The following NRROS variants were observed in gnomAD, a reference collection of about 807,000 sequenced individuals.
NRROS encodes negative regulator of reactive oxygen species, also known as transforming growth factor beta activator LRRC33.
NRROS carries 6 observed loss-of-function variants against 12.0 expected under a neutral mutation model. The ratio of observed to expected loss-of-function variants is 0.50; its 90% CI spans 0.27 to 0.98. The LOEUF (loss-of-function observed/expected upper bound fraction) is 0.98. Among genes scored for constraint, NRROS ranks in the 50% least tolerant of loss-of-function variants. The pLI is 0.11. For synonymous variants in NRROS, 462 were observed against 410.2 expected (o/e 1.13, Z -1.53); for missense variants, 857 against 888.2 (o/e 0.96, Z 0.45).
chr3:196,649,089 T>G (rs1577630476), intron 1 of NRROS, among the ~76,000 whole-genome samples: 1 of 151,552 alleles, frequency 6.6e-6, no homozygotes, highest in South Asian at 2.1e-4. Context: ...ACCACGGGGG[T>G]GTTGAGTTTG....
At chr3:196,655,651 G>A (rs1228227725) in intron 2 of NRROS, among the ~76,000 whole-genome samples, 3 of 152,180 alleles carry the variant, frequency 2.0e-5, no homozygotes, top group South Asian at 2.1e-4. Context: ...GTTTGTGGAC[G>A]AGTTGACCGC....
chr3:196,658,842 T>TAC (rs1737594611), intron 2 of NRROS, among the ~76,000 whole-genome samples: 1 of 152,022 alleles, frequency 6.6e-6, no homozygotes, highest in African/African-American at 2.4e-5. Context: ...TGGTGGCATG[T>TAC]GCCTGTAATC....
intron 1 of NRROS, among the ~76,000 whole-genome samples, chr3:196,653,766 A>T (rs113338655): frequency 6.6e-6 from 1 of 152,192 alleles, no homozygotes; most frequent in African/African-American, 2.4e-5. Context: ...AGTATATTGC[A>T]TTTCCCTTAT....
At chr3:196,649,625 C>A (rs1353878013) in intron 1 of NRROS, among the ~76,000 whole-genome samples, 2 of 152,186 alleles carry the variant, frequency 1.3e-5, no homozygotes, top group Non-Finnish European at 2.9e-5. Context: ...GCGCCCGCCA[C>A]CGCGCCCGGC....
chr3:196,661,951 T>C lies in NRROS; in HGVS notation c.*229T>C, dbSNP rs149399559. Reference sequence around the variant, plus strand: ...TTATCTTGGTAAAATATTTATTAAGTGACTTTTTCAGAAATAAAAGGCAAC... The same window carrying C: ...TTATCTTGGTAAAATATTTATTAAGCGACTTTTTCAGAAATAAAAGGCAAC... On this transcript the variant is annotated 3_prime_UTR_variant, in exon 3 of 3. Transcript: ENST00000328557. 7.6e-6 allele frequency: 3 copies of C among 395,608 alleles called. No homozygotes were observed. The East Asian group carries it at 1.1e-4, about 14-fold the overall frequency. 24.5% of individuals were successfully genotyped at this position (395,608 alleles called of 1,614,324 possible).
chr3:196,640,659 C>CTT (rs1336339257), intron 1 of NRROS, among the ~76,000 whole-genome samples: 1 of 152,228 alleles, frequency 6.6e-6, no homozygotes, highest in Non-Finnish European at 1.5e-5. Context: ...GGTCAGCGTA[C>CTT]TTCCCCACGT....
intron 1 of NRROS, among the ~76,000 whole-genome samples, chr3:196,646,878 G>C (rs546793123): frequency 1.3e-5 from 2 of 152,184 alleles, no homozygotes; most frequent in Non-Finnish European, 2.9e-5. Context: ...TCGCCGAGCC[G>C]CCGCGTGCCT....
At position 196,660,127 on chromosome 3, in the gene NRROS, G is replaced by A; in HGVS notation, c.484G>A (p.Val162Met). 2.5e-6 allele frequency: 4 copies of A among 1,613,032 alleles called. No homozygotes were observed. The highest frequency in any genetic ancestry group is 3.4e-6 in the Non-Finnish European group (4 of 1,179,892). Reference sequence around the variant, plus strand: ...CCAGAACCTCTCCTCGCTGCGGTCCGTGTCCCTGGCGGGGAACACCATCAT... The same window carrying A: ...CCAGAACCTCTCCTCGCTGCGGTCCATGTCCCTGGCGGGGAACACCATCAT... Reference protein sequence around the residue: ...MLQNLSSLRSVSLAGNTIMRL... With the variant: ...MLQNLSSLRSMSLAGNTIMRL... Residue 162 changes from valine to methionine, a missense_variant, in exon 3 of 3, where the codon GTG (valine) becomes ATG (methionine). Transcript: ENST00000328557. The surrounding 1 kb of genome is among the most constrained non-coding windows in gnomAD (Gnocchi z 7.7).
In NRROS at chr3:196,660,187, C is replaced by A. The variant is rs140233771; in HGVS notation, c.544C>A (p.Arg182Ser). The change falls in exon 3 of 3, where the codon CGT (arginine) becomes AGT (serine). Residue 182 changes from arginine to serine, a missense_variant. Coordinates refer to ENST00000328557, the MANE Select transcript of NRROS (RefSeq NM_198565.3). The surrounding 1 kb of genome is among the most constrained non-coding windows in gnomAD (Gnocchi z 7.7). ...LDDSVFEGLE[R>S]LRELDLQRNY... Reference sequence around the variant, plus strand: ...CGACTCCGTCTTCGAGGGCCTGGAGCGTCTCCGGGAGCTGGATCTGCAGAG... The same window carrying A: ...CGACTCCGTCTTCGAGGGCCTGGAGAGTCTCCGGGAGCTGGATCTGCAGAG... 3,466 of 1,613,064 alleles carry A rather than the reference C, an allele frequency of 2.1e-3. 14 individuals carry two copies. Among genetic ancestry groups the A allele is most frequent in the Admixed American group, 2.0e-3 (118 of 60,022 alleles).
chr3:196,657,427 A>G (rs1737557947), intron 2 of NRROS, among the ~76,000 whole-genome samples: 1 of 150,746 alleles, frequency 6.6e-6, no homozygotes, highest in Non-Finnish European at 1.5e-5. Flanking sequence ...CACTCACATA[A>G]AGACACACAC....
In NRROS at chr3:196,661,693, A is replaced by G. The variant is rs201045143; in HGVS notation, c.2050A>G (p.Ser684Gly). 5.7e-5 allele frequency: 91 copies of G among 1,595,448 alleles called. No individual in the cohort carries two copies. The highest frequency in any genetic ancestry group is 8.5e-6 in the Non-Finnish European group (10 of 1,175,578). ...GAAGCCTCTGCTTCAGGTCATCAAGAGCCGCTGCCACTGGTCCTCCGTTTA... is the reference window on the plus strand; with the variant it reads ...GAAGCCTCTGCTTCAGGTCATCAAGGGCCGCTGCCACTGGTCCTCCGTTTA... ...FKKPLLQVIKSRCHWSSVY is the reference protein window; with the variant it reads ...FKKPLLQVIKGRCHWSSVY Residue 684 changes from serine (S) to glycine (G), a missense_variant, in exon 3 of 3, where the codon AGC (serine) becomes GGC (glycine). Coordinates refer to ENST00000328557, the MANE Select transcript of NRROS (RefSeq NM_198565.3).
chr3:196,647,953 C>T (rs1044286896), intron 1 of NRROS, among the ~76,000 whole-genome samples: 11 of 152,152 alleles, frequency 7.2e-5, no homozygotes, highest in African/African-American at 1.2e-4. Context: ...CCACCCACCT[C>T]GGACTCCCAA....
chr3:196,655,089 G>A (rs112410325), intron 2 of NRROS: 3,530 of 171,462 alleles, frequency 0.021, 58 homozygotes, highest in Non-Finnish European at 0.029. Context: ...ACAAGAATCA[G>A]TCAGGTGCGG....
In NRROS at chr3:196,654,551, G is replaced by C. The variant is rs755678897; in HGVS notation, c.12G>C (p.Leu4=). 2.5e-6 allele frequency: 4 copies of C among 1,613,396 alleles called. No individual in the cohort carries two copies. The highest frequency in any genetic ancestry group is 3.4e-6 in the Non-Finnish European group (4 of 1,179,328). Residue 4 remains leucine (L), a synonymous_variant, in exon 2 of 3, where the codon CTG becomes CTC. Transcript: ENST00000328557. The surrounding 1 kb of genome is among the most constrained non-coding windows in gnomAD (Gnocchi z 4.4). ...GGGCTGCCCTTGAGATGGAGTTGCT[G>C]CCTCTTTGGCTCTGCCTGGGTTTTC... is the stretch of plus-strand genomic sequence containing the variant. MEL[L]PLWLCLGFHF... is the part of the protein sequence containing the mutation.
At position 196,660,232 on chromosome 3, in the gene NRROS, G is replaced by A; in HGVS notation, c.589G>A (p.Glu197Lys). The A allele has an allele frequency of 1.2e-6, 2 of 1,613,690 alleles. No individual in the cohort carries two copies. The highest frequency in any genetic ancestry group is 1.7e-6 in the Non-Finnish European group (2 of 1,180,046). The change falls in exon 3 of 3, where the codon GAG (glutamate) becomes AAG (lysine). Residue 197 changes from glutamate (E) to lysine (K), a missense_variant. By Grantham distance (56) the Glu-to-Lys change is moderately conservative (BLOSUM62 1). Coordinates refer to ENST00000328557, the MANE Select transcript of NRROS (RefSeq NM_198565.3). This position sits in a 1 kb window ranked among gnomAD's most constrained non-coding sequence, Gnocchi z 7.7. The part of the protein sequence containing the change: ...DLQRNYIFEI[E>K]GGAFDGLAEL... ...GCAGAGGAACTACATCTTCGAGATCGAGGGCGGCGCTTTCGACGGCCTGGC... is the reference window on the plus strand; with the variant it reads ...GCAGAGGAACTACATCTTCGAGATCAAGGGCGGCGCTTTCGACGGCCTGGC...
At position 196,660,828 on chromosome 3, in the gene NRROS, G is replaced by C. The variant is rs141921811; in HGVS notation, c.1185G>C (p.Pro395=). The part of the protein sequence containing the change: ...HNQLSELHLA[P]GLASCLGSLR... ...AGCTGTCGGAGCTGCACCTGGCTCC[G>C]GGGCTGGCCAGCTGCCTGGGCAGCC... The change falls in exon 3 of 3, where the codon CCG becomes CCC. Residue 395 remains proline (P), a synonymous_variant. Coordinates refer to ENST00000328557, the MANE Select transcript of NRROS (RefSeq NM_198565.3). The surrounding 1 kb of genome is among the most constrained non-coding windows in gnomAD (Gnocchi z 7.7). 120 of 1,613,480 alleles carry C rather than the reference G, an allele frequency of 7.4e-5. No homozygotes were observed. The highest frequency in any genetic ancestry group is 7.5e-5 in the Non-Finnish European group (88 of 1,180,036).
chr3:196,659,445 T>A (rs1737613480), intron 2 of NRROS, among the ~76,000 whole-genome samples: 1 of 151,812 alleles, frequency 6.6e-6, no homozygotes, highest in Non-Finnish European at 1.5e-5. Context: ...GTAGCTGGGA[T>A]TACAGGTGTC....
Position 196,660,061 on chromosome 3 carries a change from T to A in NRROS, c.418T>A (p.Ser140Thr). Reference sequence around the variant, plus strand: ...GCCGGGCCTGCGGAGGCTGGACTTGTCAGGAAACGCCCTGACGGAGGACAT... The same window carrying A: ...GCCGGGCCTGCGGAGGCTGGACTTGACAGGAAACGCCCTGACGGAGGACAT... ...ALPGLRRLDL[S>T]GNALTEDMAA... Residue 140 changes from serine (S) to threonine (T), a missense_variant, in exon 3 of 3, where the codon TCA (serine) becomes ACA (threonine). Coordinates refer to ENST00000328557, the MANE Select transcript of NRROS (RefSeq NM_198565.3). The surrounding 1 kb of genome is among the most constrained non-coding windows in gnomAD (Gnocchi z 7.7). The A allele has an allele frequency of 6.2e-7, 1 of 1,613,290 alleles. No individual in the cohort carries two copies. The highest frequency in any genetic ancestry group is 8.5e-7 in the Non-Finnish European group (1 of 1,179,948).
At chr3:196,650,363 C>CA (rs548971701) in intron 1 of NRROS, among the ~76,000 whole-genome samples, 46 of 152,262 alleles carry the variant, frequency 3.0e-4, no homozygotes, top group African/African-American at 1.1e-3. Flanking sequence ...AGGCTGGTCT[C>CA]AAACTCCTGA....
Sources: gnomAD v4.1 joint callset for allele counts (sites outside exome capture counted in the v4.1 genomes callset) on GRCh38, gnomAD v4.1.1 for gene constraint, Gnocchi (gnomAD v3.1) non-coding constraint, MANE v1.5 for transcripts, NCBI Gene and HGNC (gene_info 2026-07-23, HGNC 2026-07-21) for gene names.